CCDC6: variants seen among roughly 807,000 people sequenced by gnomAD.
The protein encoded by CCDC6 is coiled-coil domain containing 6, also known as coiled-coil domain-containing protein 6.
Under a neutral mutation model 56.6 loss-of-function variants are expected in CCDC6, and 20 were observed. The observed-to-expected ratio is 0.35, with a 90% CI of 0.25 to 0.51. The LOEUF (loss-of-function observed/expected upper bound fraction) is 0.51, where lower values mean the gene tolerates loss of function less well. CCDC6 is among the 20% of genes least tolerant of loss of function. CCDC6 has a pLI of 0.95. For synonymous variants in CCDC6, 241 were observed against 234.4 expected, an observed-to-expected ratio of 1.03 and a Z score of -0.26; for missense variants, 367 against 601.1, an observed-to-expected ratio of 0.61 and a Z score of 4.07.
chr10:59,829,844 G>T (rs562495519), intron 3 of CCDC6, among the ~76,000 whole-genome samples: 1 of 152,172 alleles, frequency 6.6e-6, no homozygotes, highest in Non-Finnish European at 1.5e-5. Flanking sequence ...GCACAACTCC[G>T]AATACACTGA....
intron 1 of CCDC6, among the ~76,000 whole-genome samples, chr10:59,886,549 G>C (rs1003930780): frequency 6.6e-6 from 1 of 152,144 alleles, no homozygotes; most frequent in Non-Finnish European, 1.5e-5. Context: ...AAAGCAGTCT[G>C]TCCTACTTTT....
chr10:59,890,233 G>A (rs1040019754), intron 1 of CCDC6, among the ~76,000 whole-genome samples: 38 of 152,128 alleles, frequency 2.5e-4, no homozygotes, highest in African/African-American at 4.3e-4. Context: ...GCCAAGTAAC[G>A]GCAGATACCT....
intron 1 of CCDC6, among the ~76,000 whole-genome samples, chr10:59,876,056 A>G (rs113015253): frequency 2.5e-5 from 3 of 122,156 alleles, no homozygotes; most frequent in African/African-American, 1.0e-4. Context: ...CACATACACG[A>G]GTGCATGCAC....
intron 3 of CCDC6, among the ~76,000 whole-genome samples, chr10:59,815,811 A>G (rs866794874): frequency 6.6e-6 from 1 of 152,248 alleles, no homozygotes; most frequent in African/African-American, 2.4e-5. Context: ...ATGTTAATAG[A>G]TTCCACATTT....
At chr10:59,896,600 A>C (rs1338630602) in intron 1 of CCDC6, among the ~76,000 whole-genome samples, 2 of 152,012 alleles carry the variant, frequency 1.3e-5, no homozygotes, top group African/African-American at 4.8e-5. Flanking sequence ...AAAAAAAAAA[A>C]CAAACAAAAA....
At chr10:59,798,280 A>C (rs1292014663) in intron 7 of CCDC6, among the ~76,000 whole-genome samples, 1 of 152,216 alleles carries the variant, frequency 6.6e-6, no homozygotes, top group Admixed American at 6.5e-5. Flanking sequence ...TGCTTTTCTG[A>C]ATTACGTAAA....
chr10:59,866,553 C>T (rs2071178833), intron 1 of CCDC6, among the ~76,000 whole-genome samples: 1 of 152,166 alleles, frequency 6.6e-6, no homozygotes. Context: ...TGATTGTATT[C>T]CTGGCAACAT....
intron 2 of CCDC6, among the ~76,000 whole-genome samples, chr10:59,837,746 CAA>C (rs397940135): frequency 4.0e-5 from 2 of 49,748 alleles, no homozygotes; most frequent in African/African-American, 1.3e-4. Context: ...GACTCTGTCT[CAA>C]AAAAAAAAAA....
At chr10:59,874,185 G>A (rs545061950) in intron 1 of CCDC6, among the ~76,000 whole-genome samples, 127 of 151,618 alleles carry the variant, frequency 8.4e-4, no homozygotes, top group African/African-American at 2.5e-3. Context: ...AGAAGGCACA[G>A]GGAATATAAT....
intron 1 of CCDC6, among the ~76,000 whole-genome samples, chr10:59,871,637 T>C (rs2132668750): frequency 6.6e-6 from 1 of 152,234 alleles, no homozygotes. Context: ...CAGGAGACCT[T>C]AGCCCTCGTC....
intron 3 of CCDC6, among the ~76,000 whole-genome samples, chr10:59,820,479 G>A (rs946322384): frequency 2.6e-5 from 4 of 152,078 alleles, no homozygotes; most frequent in African/African-American, 4.8e-5. Context: ...TAATCCAGGC[G>A]TAATAAAGAA....
At chr10:59,856,515 C>T (rs1362616501) in intron 1 of CCDC6, among the ~76,000 whole-genome samples, 1 of 152,164 alleles carries the variant, frequency 6.6e-6, no homozygotes, top group Admixed American at 6.5e-5. Context: ...CTGTCTTAGT[C>T]CTGTTTATTC....
chr10:59,837,746 C>CAAAAAAAA (rs397940135), intron 2 of CCDC6, among the ~76,000 whole-genome samples: 133 of 49,596 alleles, frequency 2.7e-3, no homozygotes, highest in East Asian at 3.0e-3. Flanking sequence ...GACTCTGTCT[C>CAAAAAAAA]AAAAAAAAAA....
intron 8 of CCDC6, among the ~76,000 whole-genome samples, 196 bp from the exon 9 acceptor site, chr10:59,793,307 A>C (rs2070484615): frequency 6.6e-6 from 1 of 152,244 alleles, no homozygotes. Flanking sequence ...ACTTCCACCT[A>C]TGAAAAAGCT....
In CCDC6 at chr10:59,794,522, T is replaced by A; in HGVS notation, c.1181A>T (p.Asn394Ile). The change falls in exon 8 of 9, where the codon AAT (asparagine) becomes ATT (isoleucine). Residue 394 changes from asparagine to isoleucine, a missense_variant. Physicochemically the swap from Asn to Ile is moderately radical, Grantham distance 149 (BLOSUM62 -3). Coordinates refer to ENST00000263102, the MANE Select transcript of CCDC6 (RefSeq NM_005436.5). ...GTGCTGCACGTGAAGACCCGGGGAATTGTAATAAGACATTCCAGCTCTAGT... is the reference window on the plus strand; with the variant it reads ...GTGCTGCACGTGAAGACCCGGGGAAATGTAATAAGACATTCCAGCTCTAGT... ...SLTRAGMSYYNSPGLHVQHMG... is the reference protein window; with the variant it reads ...SLTRAGMSYYISPGLHVQHMG... 1.2e-6 allele frequency: 2 copies of A among 1,614,168 alleles called. No individual in the cohort carries two copies. The highest frequency in any genetic ancestry group is 1.7e-6 in the Non-Finnish European group (2 of 1,179,994).
chr10:59,825,440 C>A (rs2070780578), intron 3 of CCDC6, among the ~76,000 whole-genome samples: 1 of 152,218 alleles, frequency 6.6e-6, no homozygotes, highest in Admixed American at 6.5e-5. Flanking sequence ...TCCAATTAAA[C>A]CTCTTTCTTT....
At chr10:59,881,629 C>G (rs139886628) in intron 1 of CCDC6, among the ~76,000 whole-genome samples, 1 of 152,110 alleles carries the variant, frequency 6.6e-6, no homozygotes, top group African/African-American at 2.4e-5. Context: ...GAAAAAAAGT[C>G]CAATATTCAA....
At chr10:59,862,546 CACACACACACATATAT>C (rs2071141105) in intron 1 of CCDC6, among the ~76,000 whole-genome samples, 1 of 102,194 alleles carries the variant, frequency 9.8e-6, no homozygotes, top group African/African-American at 5.8e-5. Flanking sequence ...CACACACACA[CACACACACACATATAT>C]ATACACATAC....
In CCDC6 at chr10:59,876,008, A is replaced by T. The variant is rs183865995; in HGVS notation, c.304-23306T>A. Among the ~76,000 whole-genome samples, 9 of 151,018 alleles carry T rather than the reference A, an allele frequency of 6.0e-5. No homozygotes were observed. In the East Asian group the frequency reaches 1.8e-3, roughly 30 times the overall value. On this transcript the variant is annotated intron_variant, in intron 1 of 8. Transcript: ENST00000263102. The stretch of plus-strand genomic sequence containing the variant: ...TAACGGTTGTTAAAAAAATCTTAAT[A>T]AATTCGCAATGCCAAGCACATGGCC...
Sources: allele counts gnomAD v4.1 joint callset (sites outside exome capture counted in the v4.1 genomes callset), GRCh38; gene constraint gnomAD v4.1.1; transcripts MANE v1.5; gene names NCBI Gene and HGNC (gene_info 2026-07-23, HGNC 2026-07-21).